The following MDGA2 variants were observed in gnomAD, a reference collection of about 807,000 sequenced individuals.
The protein encoded by MDGA2 is MAM domain-containing glycosylphosphatidylinositol anchor protein 2.
In MDGA2, 40 loss-of-function variants were observed where a neutral mutation model predicts 117.8. The ratio of observed to expected loss-of-function variants is 0.34; its 90% CI spans 0.26 to 0.44. MDGA2 has a LOEUF of 0.44. Among genes scored for constraint, MDGA2 ranks in the 20% least tolerant of loss-of-function variants. MDGA2 has a pLI of 1.00. For synonymous variants in MDGA2, 452 were observed against 439.0 expected (o/e 1.03, Z -0.37); for missense variants, 1,123 against 1,250.6 (o/e 0.90, Z 1.54).
chr14:47,379,539 G>A, intron 1 of MDGA2, among the ~76,000 whole-genome samples: 1 of 151,958 alleles, frequency 6.6e-6, no homozygotes, highest in Non-Finnish European at 1.5e-5. Context: ...CCAAGCAAAT[G>A]GAAAACAGAA....
At chr14:46,862,858 C>T (rs906736667) in intron 14 of MDGA2, among the ~76,000 whole-genome samples, 2 of 151,998 alleles carry the variant, frequency 1.3e-5, no homozygotes, top group Non-Finnish European at 2.9e-5. Context: ...TGAATAAAAA[C>T]AGCTGCCCAT....
At chr14:47,533,097 C>T (rs1303154186) in intron 1 of MDGA2, among the ~76,000 whole-genome samples, 1 of 152,174 alleles carries the variant, frequency 6.6e-6, no homozygotes, top group Admixed American at 6.5e-5. Flanking sequence ...GTCACATATC[C>T]ATCATTAAAG....
chr14:46,890,840 T>C (rs1444243838), intron 10 of MDGA2, among the ~76,000 whole-genome samples: 1 of 151,996 alleles, frequency 6.6e-6, no homozygotes, highest in Non-Finnish European at 1.5e-5. Flanking sequence ...ATAGAAGTAA[T>C]AGAAAAAGTA....
chr14:47,371,626 A>C (rs2138393680), intron 1 of MDGA2, among the ~76,000 whole-genome samples: 1 of 151,864 alleles, frequency 6.6e-6, no homozygotes, highest in African/African-American at 2.4e-5. Flanking sequence ...AAAATGTAGT[A>C]ATTAAGAAGT....
intron 1 of MDGA2, among the ~76,000 whole-genome samples, chr14:47,319,189 A>G (rs893144895): frequency 2.6e-5 from 4 of 152,120 alleles, no homozygotes; most frequent in Non-Finnish European, 2.9e-5. Flanking sequence ...ATCACCTCCT[A>G]TTATTCTGGA....
intron 5 of MDGA2, among the ~76,000 whole-genome samples, chr14:47,097,640 C>A (rs546080577): frequency 5.9e-5 from 9 of 152,050 alleles, no homozygotes; most frequent in African/African-American, 2.2e-4. Flanking sequence ...ATTCAGTGAG[C>A]CTGATTTTTG....
chr14:47,432,982 C>T (rs7150918), intron 1 of MDGA2, among the ~76,000 whole-genome samples: 39,419 of 151,852 alleles, frequency 0.26, 5,403 homozygotes, highest in Middle Eastern at 0.42. Flanking sequence ...GTGTCAAATA[C>T]TGGGACACAA....
chr14:47,061,102 T>G (rs771895022), intron 7 of MDGA2, 147 bp downstream of exon 7: 3 of 628,894 alleles, frequency 4.8e-6, no homozygotes, highest in Non-Finnish European at 8.2e-6. Flanking sequence ...CAGAACCTAG[T>G]ATTCATTGAG....
At chr14:47,395,096 A>C (rs963164064) in intron 1 of MDGA2, among the ~76,000 whole-genome samples, 4 of 152,190 alleles carry the variant, frequency 2.6e-5, no homozygotes, top group Admixed American at 2.0e-4. Flanking sequence ...TCGAGGATGC[A>C]GTGAGCTATA....
intron 2 of MDGA2, among the ~76,000 whole-genome samples, chr14:47,219,426 T>C (rs1886217492): frequency 6.6e-6 from 1 of 152,062 alleles, no homozygotes; most frequent in Admixed American, 6.5e-5. Context: ...TTCCAAATCT[T>C]CTATATATAT....
chr14:47,111,537 A>G (rs536634360), intron 5 of MDGA2, among the ~76,000 whole-genome samples: 2 of 152,334 alleles, frequency 1.3e-5, no homozygotes, highest in East Asian at 1.9e-4. Flanking sequence ...TGTGAACCAC[A>G]TAAGTCATAA....
At chr14:47,281,865 T>A (rs1651736120) in intron 2 of MDGA2, among the ~76,000 whole-genome samples, 1 of 151,926 alleles carries the variant, frequency 6.6e-6, no homozygotes, top group Admixed American at 6.6e-5. Context: ...GAGACCAACC[T>A]GGCCAACATG....
chr14:46,991,055 A>G (rs1022894565), intron 8 of MDGA2, among the ~76,000 whole-genome samples: 2 of 152,234 alleles, frequency 1.3e-5, no homozygotes, highest in Non-Finnish European at 2.9e-5. Context: ...GTCCTTCAAT[A>G]TGAAATAAGT....
chr14:47,161,605 A>C (rs926207282), intron 3 of MDGA2, among the ~76,000 whole-genome samples: 4 of 151,788 alleles, frequency 2.6e-5, no homozygotes, highest in African/African-American at 9.7e-5. Context: ...AAGAAGAGGT[A>C]ATTTTTTTTC....
intron 2 of MDGA2, among the ~76,000 whole-genome samples, chr14:47,250,885 A>G (rs1451262724): frequency 2.0e-5 from 3 of 152,216 alleles, no homozygotes; most frequent in Non-Finnish European, 4.4e-5. Flanking sequence ...TGTCTTCATC[A>G]TCTGAATCTG....
chr14:47,450,841 A>G (rs977519437), intron 1 of MDGA2, among the ~76,000 whole-genome samples: 1 of 152,168 alleles, frequency 6.6e-6, no homozygotes, highest in Non-Finnish European at 1.5e-5. Context: ...GTTAATGAAT[A>G]GAGAACTGAA....
At chr14:47,217,889 A>G (rs1017650368) in intron 3 of MDGA2, 132 bp downstream of exon 3, 2 of 632,038 alleles carry the variant, frequency 3.2e-6, no homozygotes, top group African/African-American at 3.8e-5. Flanking sequence ...GTTTTAAGGG[A>G]GCTATCATTA....
intron 1 of MDGA2, among the ~76,000 whole-genome samples, chr14:47,315,112 A>T (rs1429637258): frequency 3.3e-5 from 5 of 152,066 alleles, no homozygotes; most frequent in Non-Finnish European, 5.9e-5. Flanking sequence ...TAATATAATG[A>T]TTCTGTAGTT....
At position 47,374,257 on chromosome 14, in the gene MDGA2, G is replaced by C. The variant is rs545496085; in HGVS notation, c.281-72707C>G. 3.9e-5 allele frequency among the ~76,000 whole-genome samples: 6 copies of C among 152,140 alleles called. No homozygotes were observed. In the South Asian group the frequency reaches 1.2e-3, roughly 32 times the overall value. ...GATCATTAAATATACATCTAAATAA[G>C]AGTGAAAGAATAAATCTCATTTAAG... On this transcript the variant is annotated intron_variant, in intron 1 of 16. Coordinates refer to ENST00000399232, the MANE Select transcript of MDGA2 (RefSeq NM_001113498.3).
Sources: allele counts gnomAD v4.1 joint callset (sites outside exome capture counted in the v4.1 genomes callset), GRCh38; gene constraint gnomAD v4.1.1; transcripts MANE v1.5; gene names NCBI Gene and HGNC (gene_info 2026-07-23, HGNC 2026-07-21).